Variants in SMOC2 observed in about 807,000 individuals in gnomAD.
SMOC2 encodes SPARC related modular calcium binding 2.
Under a neutral mutation model 61.4 loss-of-function variants are expected in SMOC2, and 39 were observed. The ratio of observed to expected loss-of-function variants is 0.64; its 90% CI spans 0.49 to 0.83. The LOEUF (loss-of-function observed/expected upper bound fraction) is 0.83. Ranked by LOEUF, SMOC2 falls within the 40% of genes least tolerant of loss-of-function variation. The pLI, the probability that SMOC2 is intolerant of heterozygous loss-of-function variation, is 0.00. For missense variants in SMOC2, 556 were observed against 592.9 expected (o/e 0.94, Z 0.65); for synonymous variants, 247 against 239.9 (o/e 1.03, Z -0.27).
chr6:168,567,997 G>A (rs920500789), intron 7 of SMOC2, among the ~76,000 whole-genome samples: 45 of 150,982 alleles, frequency 3.0e-4, no homozygotes, highest in Non-Finnish European at 5.9e-4. Flanking sequence ...GATGGTGTGA[G>A]TCGGTGTCTC....
chr6:168,480,899 G>A (rs981462205), intron 1 of SMOC2, among the ~76,000 whole-genome samples: 1 of 152,100 alleles, frequency 6.6e-6, no homozygotes, highest in African/African-American at 2.4e-5. Context: ...GCCAGAAAGC[G>A]GTGGGCAGAT....
intron 8 of SMOC2, among the ~76,000 whole-genome samples, chr6:168,604,652 A>C (rs777738849): frequency 1.3e-5 from 2 of 152,214 alleles, no homozygotes. Context: ...AAATTTCCTG[A>C]TGGGGAAGAA....
At chr6:168,550,701 G>A (rs1240135774) in intron 7 of SMOC2, among the ~76,000 whole-genome samples, 7 of 152,230 alleles carry the variant, frequency 4.6e-5, no homozygotes, top group South Asian at 4.1e-4. Flanking sequence ...GCCCCCCACC[G>A]TCTACAGGCA....
intron 4 of SMOC2, among the ~76,000 whole-genome samples, chr6:168,534,166 G>A (rs1039787664): frequency 3.9e-5 from 6 of 152,112 alleles, no homozygotes; most frequent in African/African-American, 1.4e-4. Context: ...AATTTACTCT[G>A]TAACACGTAA....
intron 7 of SMOC2, among the ~76,000 whole-genome samples, chr6:168,571,521 G>A (rs1784665878): frequency 6.6e-6 from 1 of 152,132 alleles, no homozygotes; most frequent in Admixed American, 6.5e-5. Context: ...TTTGTGAGGC[G>A]CTTTTCCACG....
intron 5 of SMOC2, 110 bp downstream of exon 5, chr6:168,543,782 C>G (rs541860880): frequency 2.0e-6 from 2 of 1,007,400 alleles, no homozygotes; most frequent in Non-Finnish European, 3.0e-6. Flanking sequence ...TGATGAGAGC[C>G]GAACCAGTTT....
rs545465234 is a variant in SMOC2 at position 168,441,669 on chromosome 6, C to T, written c.84+215C>T. On this transcript the variant is annotated intron_variant, in intron 1 of 12. Coordinates refer to ENST00000356284, the MANE Select transcript of SMOC2 (RefSeq NM_001166412.2). Reference sequence around the variant, plus strand: ...CGGCTGGGATGGGCTTCTGGGGACCCTGCCCGCCGGGGTCCTGCTGCGGCT... The same window carrying T: ...CGGCTGGGATGGGCTTCTGGGGACCTTGCCCGCCGGGGTCCTGCTGCGGCT... 2.7e-3 allele frequency among the ~76,000 whole-genome samples: 404 copies of T among 152,268 alleles called. 3 individuals are homozygous for T. The highest frequency in any genetic ancestry group is 9.3e-3 in the African/African-American group (386 of 41,566).
chr6:168,451,599 G>GTCTCTCTCTCTCTCTCTCTCTCTC (rs59096709), intron 1 of SMOC2, among the ~76,000 whole-genome samples: 1 of 145,532 alleles, frequency 6.9e-6, no homozygotes, highest in African/African-American at 2.5e-5. Flanking sequence ...CTCTGTCTCT[G>GTCTCTCTCTCTCTCTCTCTCTCTC]TCTCTCTCTC....
At position 168,509,896 on chromosome 6, in the gene SMOC2, T is replaced by C. The variant is rs1175436950; in HGVS notation, c.85-19T>C. 6.3e-7 allele frequency: 1 copy of C among 1,579,004 alleles called. No individual in the cohort carries two copies. The highest frequency in any genetic ancestry group is 1.7e-5 in the Admixed American group (1 of 57,650). ...AATGTGTCTTTAAATTTGTCTGGCT[T>C]CTTTTTTTCTCCTTTAAGTTTTTGA... On this transcript the variant is annotated intron_variant, in intron 1 of 12. Coordinates refer to ENST00000356284, the MANE Select transcript of SMOC2 (RefSeq NM_001166412.2).
At chr6:168,600,118 T>C (rs1583148645) in intron 8 of SMOC2, among the ~76,000 whole-genome samples, 1 of 152,052 alleles carries the variant, frequency 6.6e-6, no homozygotes, top group African/African-American at 2.4e-5. Flanking sequence ...TAAAAGCCAG[T>C]GGCTTGGTCA....
chr6:168,633,311 TC>T, intron 9 of SMOC2, among the ~76,000 whole-genome samples: 1 of 152,324 alleles, frequency 6.6e-6, no homozygotes, highest in South Asian at 2.1e-4. Context: ...GATCTGCATT[TC>T]CCCATTTCTT....
At chr6:168,585,792 T>C (rs562515577) in intron 7 of SMOC2, among the ~76,000 whole-genome samples, 1 of 152,362 alleles carries the variant, frequency 6.6e-6, no homozygotes, top group East Asian at 1.9e-4. Context: ...TATTTTTCAG[T>C]CACACATCTT....
intron 7 of SMOC2, among the ~76,000 whole-genome samples, chr6:168,573,878 A>T (rs552814120): frequency 6.6e-6 from 1 of 152,326 alleles, no homozygotes; most frequent in Non-Finnish European, 1.5e-5. Flanking sequence ...CCCAGATCTT[A>T]TCTCCAGTGA....
intron 7 of SMOC2, among the ~76,000 whole-genome samples, chr6:168,598,540 C>G (rs1454274827): frequency 2.0e-5 from 3 of 152,210 alleles, no homozygotes; most frequent in African/African-American, 7.2e-5. Flanking sequence ...ACTGCCCATG[C>G]TGACTTGTGA....
chr6:168,557,556 G>A (rs927600144), intron 7 of SMOC2, among the ~76,000 whole-genome samples: 5 of 152,196 alleles, frequency 3.3e-5, no homozygotes, highest in Admixed American at 1.3e-4. Flanking sequence ...TTGAGCTCTC[G>A]CCATGAAAGA....
intron 8 of SMOC2, among the ~76,000 whole-genome samples, chr6:168,601,769 G>C (rs112551783): frequency 6.6e-6 from 1 of 152,108 alleles, no homozygotes; most frequent in African/African-American, 2.4e-5. Flanking sequence ...CATTTACTAC[G>C]CTGTGCCTGA....
At chr6:168,525,974 C>T (rs927196677) in intron 2 of SMOC2, among the ~76,000 whole-genome samples, 2 of 152,214 alleles carry the variant, frequency 1.3e-5, no homozygotes, top group Non-Finnish European at 2.9e-5. Flanking sequence ...GATCTGAGGA[C>T]AGCCTGCCTC....
At chr6:168,617,056 C>T (rs35785793) in intron 9 of SMOC2, among the ~76,000 whole-genome samples, 26,460 of 152,088 alleles carry the variant, frequency 0.17, 2,459 homozygotes, top group Middle Eastern at 0.31. Flanking sequence ...TAAGAAGGAG[C>T]GATATGGCTA....
intron 8 of SMOC2, among the ~76,000 whole-genome samples, chr6:168,604,163 A>G (rs560900124): frequency 1.3e-5 from 2 of 152,338 alleles, no homozygotes; most frequent in South Asian, 4.1e-4. Context: ...GATGGCTGCA[A>G]CAGATCCGGA....
Sources: gnomAD v4.1 joint callset for allele counts (sites outside exome capture counted in the v4.1 genomes callset) on GRCh38, gnomAD v4.1.1 for gene constraint, MANE v1.5 for transcripts, NCBI Gene and HGNC (gene_info 2026-07-23, HGNC 2026-07-21) for gene names.